Variants in FLI1 observed in about 807,000 individuals in gnomAD.
FLI1 encodes Fli-1 proto-oncogene, ETS transcription factor.
In FLI1, 13 loss-of-function variants were observed where a neutral mutation model predicts 53.1. The ratio of observed to expected loss-of-function variants is 0.24; its 90% confidence interval spans 0.16 to 0.39. FLI1 has a LOEUF of 0.39. Ranked by LOEUF, FLI1 falls within the 10% of genes least tolerant of loss-of-function variation. The pLI is 1.00. For missense variants in FLI1, 424 were observed against 600.5 expected (o/e 0.71, Z 3.07); for synonymous variants, 244 against 236.7 (o/e 1.03, Z -0.28).
chr11:128,777,125 G>A (rs76679625), intron 4 of FLI1, among the ~76,000 whole-genome samples: 1,557 of 152,262 alleles, frequency 0.01, 8 homozygotes, highest in Middle Eastern at 0.031. Flanking sequence ...AGCTGCTGCG[G>A]GAACGAGATT....
intron 3 of FLI1, 119 bp from the exon 4 acceptor site, chr11:128,772,663 T>C: frequency 1.3e-6 from 1 of 799,894 alleles, no homozygotes; most frequent in South Asian, 1.5e-5. Context: ...GGAAGGGAGC[T>C]CTCCCAGAGA....
chr11:128,747,431 T>C (rs925583440), intron 1 of FLI1, among the ~76,000 whole-genome samples: 1 of 152,216 alleles, frequency 6.6e-6, no homozygotes, highest in African/African-American at 2.4e-5. Flanking sequence ...GGTTCTCCCA[T>C]GCCATGTGGG....
At position 128,810,751 on chromosome 11, in the gene FLI1, C is replaced by A. The variant is rs377471737; in HGVS notation, c.1122C>A (p.Thr374=). 1 of 1,614,078 alleles carries A rather than the reference C, an allele frequency of 6.2e-7. No homozygotes were observed. The highest frequency in any genetic ancestry group is 8.5e-7 in the Non-Finnish European group (1 of 1,179,902). Residue 374 remains threonine, a synonymous_variant, in exon 9 of 9, where the codon ACC becomes ACA. Transcript: ENST00000527786. The surrounding 1 kb of genome is among the most constrained non-coding windows in gnomAD (Gnocchi z 6.6). ...CCCAGGCTCTGCAGCCACATCCGAC[C>A]GAGTCGTCCATGTACAAGTACCCTT... ...GIAQALQPHP[T]ESSMYKYPSD...
At chr11:128,719,352 T>G (rs1939155816) in intron 1 of FLI1, among the ~76,000 whole-genome samples, 1 of 136,660 alleles carries the variant, frequency 7.3e-6, no homozygotes, top group Non-Finnish European at 1.5e-5. Flanking sequence ...TTCTCCCCTT[T>G]TCCCGTGTGT....
upstream of FLI1, among the ~76,000 whole-genome samples, chr11:128,689,341 T>C (rs949021931): frequency 6.6e-6 from 1 of 152,182 alleles, no homozygotes; most frequent in Non-Finnish European, 1.5e-5. Flanking sequence ...ATCTGAAAGC[T>C]TCTCGCCCGT....
At chr11:128,749,923 G>A (rs555378533) in intron 1 of FLI1, among the ~76,000 whole-genome samples, 1 of 152,338 alleles carries the variant, frequency 6.6e-6, no homozygotes, top group African/African-American at 2.4e-5. Flanking sequence ...CTTCAGATGA[G>A]ACTTGGAGTG....
chr11:128,801,766 T>C (rs1421027988), intron 5 of FLI1, among the ~76,000 whole-genome samples: 1 of 152,236 alleles, frequency 6.6e-6, no homozygotes, highest in Non-Finnish European at 1.5e-5. Context: ...AGTTTATTCA[T>C]TCAACAAATA....
rs574509428 is a variant in FLI1 at position 128,792,277 on chromosome 11, A to G, written c.655+10254A>G. On this transcript the variant is annotated intron_variant, in intron 5 of 8. Coordinates refer to ENST00000527786, the MANE Select transcript of FLI1 (RefSeq NM_002017.5). ...TCCTACTTCATCTACCACCCCCATC[A>G]TGCATTTCCCCCAAGTAGCTGATGT... Among the ~76,000 whole-genome samples the G allele has an allele frequency of 3.3e-5, 5 of 152,186 alleles. No individual in the cohort carries two copies. The South Asian group carries it at 8.3e-4, about 25-fold the overall frequency.
chr11:128,686,594 C>T (rs1429416441), exon 1 of FLI1: 1 of 404,190 alleles, frequency 2.5e-6, no homozygotes, highest in Non-Finnish European at 5.0e-6. Flanking sequence ...CCTCGCTCCA[C>T]TCGCGGGTAA....
At chr11:128,701,251 T>C (rs1008023038) in intron 1 of FLI1, among the ~76,000 whole-genome samples, 63 of 152,372 alleles carry the variant, frequency 4.1e-4, no homozygotes, top group East Asian at 1.3e-3. Context: ...ATCTTTTCAA[T>C]TGGGCCTTCT....
chr11:128,772,966 C>G lies in FLI1; in HGVS notation c.570C>G (p.His190Gln), dbSNP rs928028753. The change falls in exon 4 of 9, where the codon CAC (histidine) becomes CAG (glutamine). Residue 190 changes from histidine (H) to glutamine (Q), a missense_variant. His to Gln is a conservative substitution (Grantham distance 24, BLOSUM62 0). Coordinates refer to ENST00000527786, the MANE Select transcript of FLI1 (RefSeq NM_002017.5). ...ACAACACGGAAGTGCTGTTGTCACACCTCAGTTACCTCAGGGAAAGTAAGT... is the reference window on the plus strand; with the variant it reads ...ACAACACGGAAGTGCTGTTGTCACAGCTCAGTTACCTCAGGGAAAGTAAGT... ...TLYNTEVLLS[H>Q]LSYLRESSLL... 1.9e-6 allele frequency: 3 copies of G among 1,613,674 alleles called. No individual in the cohort carries two copies. The African/African-American group carries it at 4.0e-5, about 22-fold the overall frequency.
intron 1 of FLI1, among the ~76,000 whole-genome samples, chr11:128,718,571 T>C (rs1009072514): frequency 8.5e-5 from 13 of 152,352 alleles, no homozygotes; most frequent in African/African-American, 2.9e-4. Flanking sequence ...GGTAAGATTC[T>C]TTTTCACTTG....
chr11:128,752,338 T>C (rs1591781209), intron 1 of FLI1, among the ~76,000 whole-genome samples: 2 of 152,330 alleles, frequency 1.3e-5, no homozygotes, highest in South Asian at 4.1e-4. Context: ...ACTTTACTCA[T>C]ATTATCTCAT....
At chr11:128,717,844 T>C (rs1458229838) in intron 1 of FLI1, among the ~76,000 whole-genome samples, 1 of 152,206 alleles carries the variant, frequency 6.6e-6, no homozygotes, top group Non-Finnish European at 1.5e-5. Flanking sequence ...CAGTTGGGTG[T>C]GGCTGATTTG....
At chr11:128,694,579 C>G (rs1272527814) in intron 1 of FLI1, among the ~76,000 whole-genome samples, 1 of 56 alleles carries the variant, frequency 0.018, no homozygotes, top group Non-Finnish European at 0.036. Flanking sequence ...ACCGGGGGAC[C>G]CCAGGGTACG....
chr11:128,732,279 T>C (rs1317362565), intron 1 of FLI1, among the ~76,000 whole-genome samples: 1 of 152,216 alleles, frequency 6.6e-6, no homozygotes, highest in East Asian at 1.9e-4. Flanking sequence ...ACATCTAAGG[T>C]AGAACCGTGC....
intron 5 of FLI1, among the ~76,000 whole-genome samples, chr11:128,787,243 C>T (rs975170625): frequency 3.9e-5 from 6 of 152,122 alleles, no homozygotes; most frequent in Admixed American, 2.0e-4. Context: ...TCCATTATCC[C>T]GTTTGTGCCC....
At chr11:128,731,004 C>G (rs1157377088) in intron 1 of FLI1, among the ~76,000 whole-genome samples, 2 of 152,240 alleles carry the variant, frequency 1.3e-5, no homozygotes, top group Non-Finnish European at 2.9e-5. Flanking sequence ...TTTACAAGTG[C>G]TTCGAGAGGT....
chr11:128,709,761 G>A (rs189940573), intron 1 of FLI1, among the ~76,000 whole-genome samples: 1 of 152,240 alleles, frequency 6.6e-6, no homozygotes, highest in East Asian at 1.9e-4. Flanking sequence ...AATACCTATG[G>A]CTGCCTCCAC....
Sources: gnomAD v4.1 joint callset for allele counts (sites outside exome capture counted in the v4.1 genomes callset) on GRCh38, gnomAD v4.1.1 for gene constraint, Gnocchi (gnomAD v3.1) non-coding constraint, MANE v1.5 for transcripts, NCBI Gene and HGNC (gene_info 2026-07-23, HGNC 2026-07-21) for gene names.